NPEPPS: variants seen among roughly 807,000 people sequenced by gnomAD.
The protein encoded by NPEPPS is aminopeptidase puromycin sensitive, also known as puromycin-sensitive aminopeptidase.
NPEPPS carries 14 observed loss-of-function variants against 115.5 expected under a neutral mutation model. That is an observed-to-expected ratio of 0.12 (90% confidence interval 0.08 to 0.19). NPEPPS has a LOEUF of 0.19. Ranked by LOEUF, NPEPPS falls within the 10% of genes least tolerant of loss-of-function variation. The probability of loss-of-function intolerance (pLI) is 1.00; values close to 1 mark genes in which losing one functional copy is unlikely to be tolerated. For synonymous variants in NPEPPS, 285 were observed against 390.6 expected (o/e 0.73, Z 3.19); for missense variants, 523 against 1,110.8 (o/e 0.47, Z 7.52).
intron 1 of NPEPPS, among the ~76,000 whole-genome samples, chr17:47,537,073 T>G (rs1000888390): frequency 6.6e-6 from 1 of 151,926 alleles, no homozygotes; most frequent in Non-Finnish European, 1.5e-5. Flanking sequence ...TCCTGTAATC[T>G]TAGCACTTTG....
intron 19 of NPEPPS, among the ~76,000 whole-genome samples, chr17:47,615,441 C>T (rs1432396726): frequency 6.6e-6 from 1 of 152,060 alleles, no homozygotes; most frequent in East Asian, 1.9e-4. Context: ...CCTATATTTC[C>T]AGCTTCTCAG....
chr17:47,536,630 G>A (rs1418257841), intron 1 of NPEPPS, among the ~76,000 whole-genome samples: 3 of 150,676 alleles, frequency 2.0e-5, no homozygotes, highest in South Asian at 2.1e-4. Context: ...CCCGACCTCT[G>A]GTGATCCACC....
chr17:47,552,278 A>G (rs530786511), intron 2 of NPEPPS, among the ~76,000 whole-genome samples: 4 of 152,208 alleles, frequency 2.6e-5, no homozygotes, highest in African/African-American at 9.6e-5. Context: ...TTGGATTTCT[A>G]TGCTTATCTG....
At chr17:47,599,177 G>T (rs1468960759) in intron 13 of NPEPPS, among the ~76,000 whole-genome samples, 1 of 152,002 alleles carries the variant, frequency 6.6e-6, no homozygotes, top group Non-Finnish European at 1.5e-5. Flanking sequence ...CTTTCTCAGG[G>T]AAATCTGTGT....
chr17:47,610,018 G>A (rs1273664572), intron 17 of NPEPPS, among the ~76,000 whole-genome samples: 1 of 151,950 alleles, frequency 6.6e-6, no homozygotes, highest in African/African-American at 2.4e-5. Flanking sequence ...TTTCCTGGAT[G>A]TTAACTTTTT....
chr17:47,528,845 A>C (rs1907541474), upstream of NPEPPS, among the ~76,000 whole-genome samples: 1 of 152,000 alleles, frequency 6.6e-6, no homozygotes, highest in African/African-American at 2.4e-5. Context: ...CATGTTGGTC[A>C]GGCTGGTCTT....
At position 47,596,439 on chromosome 17, in the gene NPEPPS, C is replaced by G; in HGVS notation, c.1513C>G (p.Leu505Val). 6.3e-7 allele frequency: 1 copy of G among 1,587,064 alleles called. No individual in the cohort carries two copies. Among genetic ancestry groups the G allele is most frequent in the Non-Finnish European group, 8.6e-7 (1 of 1,165,040 alleles). ...CTGGACCAAACAAATGGGATTTCCC[C>G]TCATTTATGTGGAAGCTGAACAGGT... ...NTWTKQMGFP[L>V]IYVEAEQVED... is the part of the protein sequence containing the mutation. Residue 505 changes from leucine (L) to valine (V), a missense_variant, in exon 13 of 23, where the codon CTC becomes GTC. This residue lies in a region of NPEPPS where 372 missense variants were observed against 542.6 expected (regional missense o/e 0.69). Transcript: ENST00000322157.
At chr17:47,541,437 C>T (rs547727661) in intron 1 of NPEPPS, among the ~76,000 whole-genome samples, 41 of 151,182 alleles carry the variant, frequency 2.7e-4, no homozygotes, top group African/African-American at 8.0e-4. Context: ...AGTGCAATGG[C>T]GCGATTTCGG....
chr17:47,609,342 C>T (rs529450311), intron 17 of NPEPPS, among the ~76,000 whole-genome samples: 220 of 152,304 alleles, frequency 1.4e-3, no homozygotes, highest in Non-Finnish European at 2.7e-3. Context: ...TTGCACTTTT[C>T]TTTCATGATG....
chr17:47,619,018 C>T lies in NPEPPS; in HGVS notation c.2413C>T (p.Arg805Cys), dbSNP rs1051959782. ...VLTFALSEEV[R>C]PQDTVSVIGG... is the part of the protein sequence containing the mutation. ...CTCTTTCTTTTTTTAGGAAGAGGTA[C>T]GTCCACAGGACACTGTATCGGTAAT... is the stretch of plus-strand genomic sequence containing the variant. The change falls in exon 21 of 23, where the codon CGT (arginine) becomes TGT (cysteine). Residue 805 changes from arginine to cysteine, a missense_variant. Transcript: ENST00000322157. 16 of 1,611,970 alleles carry T rather than the reference C, an allele frequency of 9.9e-6. No individual in the cohort carries two copies. Among genetic ancestry groups the T allele is most frequent in the Admixed American group, 1.7e-5 (1 of 59,552 alleles).
At chr17:47,610,184 A>G (rs1913758872) in intron 17 of NPEPPS, among the ~76,000 whole-genome samples, 2 of 148,050 alleles carry the variant, frequency 1.4e-5, no homozygotes, top group South Asian at 4.3e-4. Flanking sequence ...CCCCCCCAAA[A>G]AAAAAGCCTT....
At chr17:47,560,374 C>T (rs1910350569) in intron 2 of NPEPPS, among the ~76,000 whole-genome samples, 1 of 152,146 alleles carries the variant, frequency 6.6e-6, no homozygotes, top group Non-Finnish European at 1.5e-5. Flanking sequence ...TTTTTTGGTT[C>T]TGTTGAGCCA....
At chr17:47,592,602 G>T in intron 12 of NPEPPS, 57 bp downstream of exon 12, 11 of 1,425,438 alleles carry the variant, frequency 7.7e-6, no homozygotes, top group Non-Finnish European at 1.1e-5. Flanking sequence ...CTCTATCCAG[G>T]CTGGGACATT....
rs1290660815 is a variant in NPEPPS at position 47,531,474 on chromosome 17, C to G, written c.174C>G (p.Val58=). ...CCTTCGAGCGGCTGCCTGCCGATGT[C>G]TCCCCCATCAACTACAGCCTTTGCC... ...KRPFERLPAD[V]SPINYSLCLK... is the part of the protein sequence containing the mutation. Residue 58 remains valine, a synonymous_variant, in exon 1 of 23, where the codon GTC becomes GTG. Transcript: ENST00000322157. The G allele has an allele frequency of 6.2e-7, 1 of 1,603,598 alleles. No homozygotes were observed. The highest frequency in any genetic ancestry group is 1.1e-5 in the South Asian group (1 of 89,658).
intron 19 of NPEPPS, among the ~76,000 whole-genome samples, chr17:47,616,542 G>A (rs1914211197): frequency 6.6e-6 from 1 of 151,968 alleles, no homozygotes; most frequent in African/African-American, 2.4e-5. Context: ...AAATTCGCCG[G>A]GTGTGGTGGC....
intron 5 of NPEPPS, among the ~76,000 whole-genome samples, chr17:47,583,130 G>A (rs1911985774): frequency 6.6e-6 from 1 of 151,318 alleles, no homozygotes; most frequent in African/African-American, 2.4e-5. Context: ...TTACAGGCAT[G>A]AGCCACCATG....
chr17:47,576,523 C>T (rs1002446082), intron 3 of NPEPPS, among the ~76,000 whole-genome samples: 4 of 152,198 alleles, frequency 2.6e-5, no homozygotes, highest in African/African-American at 7.2e-5. Flanking sequence ...GACACAAAGG[C>T]AACAACCTTT....
In NPEPPS at chr17:47,622,885, G is replaced by C; in HGVS notation, c.*965G>C. 2.2e-6 allele frequency: 1 copy of C among 455,968 alleles called. No individual in the cohort carries two copies. Among genetic ancestry groups the C allele is most frequent in the Non-Finnish European group, 4.4e-6 (1 of 226,780 alleles). The allele number at this position is 455,968 out of a possible 1,614,324, so 28.2% of individuals were successfully genotyped here. A position where few individuals can be genotyped will look rare whatever the true frequency, so the allele number is the denominator to read the frequency against. The stretch of plus-strand genomic sequence containing the variant: ...CCTCTTCACAACAGTATCAACACTG[G>C]CTTCTCCCGGTTCATTTTATGCGTG... On this transcript the variant is annotated 3_prime_UTR_variant, in exon 23 of 23. Transcript: ENST00000322157.
At chr17:47,621,028 A>G (rs1914532173) in intron 22 of NPEPPS, among the ~76,000 whole-genome samples, 1 of 152,054 alleles carries the variant, frequency 6.6e-6, no homozygotes, top group Admixed American at 6.6e-5. Context: ...ACAAAAAGGA[A>G]AAAACAATTT....
Sources: allele counts gnomAD v4.1 joint callset (sites outside exome capture counted in the v4.1 genomes callset), GRCh38; gene constraint gnomAD v4.1.1; regional missense constraint gnomAD v4.1.1; transcripts MANE v1.5; gene names NCBI Gene and HGNC (gene_info 2026-07-23, HGNC 2026-07-21).